SLIT3: variants seen among roughly 807,000 people sequenced by gnomAD.
SLIT3 encodes slit guidance ligand 3.
Under a neutral mutation model 184.0 loss-of-function variants are expected in SLIT3, and 68 were observed. The ratio of observed to expected loss-of-function variants is 0.37; its 90% CI spans 0.30 to 0.45. SLIT3 has a LOEUF of 0.45. Among genes scored for constraint, SLIT3 ranks in the 20% least tolerant of loss-of-function variants. The pLI is 1.00. For missense variants in SLIT3, 1,707 were observed against 2,026.0 expected (o/e 0.84, Z 3.02); for synonymous variants, 831 against 828.6 (o/e 1.00, Z -0.05).
At chr5:168,839,131 T>A (rs1758154844) in intron 6 of SLIT3, among the ~76,000 whole-genome samples, 1 of 152,164 alleles carries the variant, frequency 6.6e-6, no homozygotes, top group Admixed American at 6.5e-5. Context: ...GATTCGTGAT[T>A]GCCTCTGGGG....
intron 4 of SLIT3, among the ~76,000 whole-genome samples, chr5:169,126,857 G>C (rs373276768): frequency 2.7e-5 from 4 of 150,162 alleles, no homozygotes; most frequent in East Asian, 3.9e-4. Flanking sequence ...TGGTTGCCCA[G>C]ATTTTTCTCT....
intron 4 of SLIT3, among the ~76,000 whole-genome samples, chr5:169,121,905 C>G (rs1760887704): frequency 1.3e-5 from 2 of 152,208 alleles, no homozygotes; most frequent in African/African-American, 4.8e-5. Context: ...TTTCTCAACT[C>G]CAAGTCACCG....
intron 3 of SLIT3, among the ~76,000 whole-genome samples, chr5:169,214,911 C>G (rs543095530): frequency 1.8e-4 from 27 of 152,256 alleles, no homozygotes; most frequent in African/African-American, 6.0e-4. Flanking sequence ...CAAACAATCC[C>G]CTTCTCCTAA....
At chr5:168,692,519 CAG>C in intron 29 of SLIT3, 86 bp downstream of exon 29, 2 of 784,432 alleles carry the variant, frequency 2.5e-6, no homozygotes, top group East Asian at 2.5e-5. Flanking sequence ...AGAGAGCATG[CAG>C]AGAGACCAGA....
chr5:168,975,219 G>A (rs868589246), intron 4 of SLIT3, among the ~76,000 whole-genome samples: 30 of 151,856 alleles, frequency 2.0e-4, no homozygotes, highest in Middle Eastern at 3.4e-3. Flanking sequence ...TAAAGTGGAC[G>A]CAAGACTCAC....
intron 4 of SLIT3, among the ~76,000 whole-genome samples, chr5:169,068,480 C>G (rs1758433462): frequency 6.6e-6 from 1 of 152,094 alleles, no homozygotes; most frequent in Non-Finnish European, 1.5e-5. Context: ...GTCAGAACAC[C>G]ATGTTGATCA....
intron 4 of SLIT3, among the ~76,000 whole-genome samples, chr5:169,149,340 C>CTTT (rs3038064): frequency 0.06 from 8,268 of 137,806 alleles, 645 homozygotes; most frequent in African/African-American, 0.17. Context: ...ACAACATGGG[C>CTTT]TTTTTTTTTT....
chr5:168,886,564 C>T (rs966280189), intron 4 of SLIT3, among the ~76,000 whole-genome samples: 2 of 152,134 alleles, frequency 1.3e-5, no homozygotes, highest in African/African-American at 4.8e-5. Context: ...TCCCCTTTCA[C>T]GAGGGAAGCA....
intron 5 of SLIT3, among the ~76,000 whole-genome samples, chr5:168,850,443 A>G (rs1475092530): frequency 6.6e-6 from 1 of 152,250 alleles, no homozygotes; most frequent in African/African-American, 2.4e-5. Context: ...ATATGTAGTT[A>G]CATGTAATAT....
intron 4 of SLIT3, among the ~76,000 whole-genome samples, chr5:168,980,881 G>A (rs936544208): frequency 5.3e-5 from 8 of 152,202 alleles, no homozygotes; most frequent in African/African-American, 1.2e-4. Flanking sequence ...AAATGTTTAC[G>A]ATGTAAAGTG....
At chr5:168,769,590 C>A (rs1421945501) in intron 14 of SLIT3, among the ~76,000 whole-genome samples, 2 of 152,122 alleles carry the variant, frequency 1.3e-5, no homozygotes, top group East Asian at 1.9e-4. Flanking sequence ...AATCTGGACT[C>A]CACTCTGCTT....
intron 4 of SLIT3, among the ~76,000 whole-genome samples, chr5:168,909,868 C>G (rs1394688438): frequency 6.6e-6 from 1 of 152,194 alleles, no homozygotes; most frequent in Non-Finnish European, 1.5e-5. Flanking sequence ...AGACTTGGCT[C>G]TACTTTTCAG....
chr5:169,193,564 A>G lies in SLIT3; in HGVS notation c.342-14T>C. 1 of 1,609,046 alleles carries G rather than the reference A, an allele frequency of 6.2e-7. No individual in the cohort carries two copies. Among genetic ancestry groups the G allele is most frequent in the African/African-American group, 1.3e-5 (1 of 74,946 alleles). ...TTGTTCAGGCGCCTAAAGAGGAAAG[A>G]GAATGGAAGGATGTCAAGGGGACAT... is the stretch of plus-strand genomic sequence containing the variant. On this transcript the variant is annotated splice_polypyrimidine_tract_variant and intron_variant, in intron 3 of 35. Transcript: ENST00000519560.
At chr5:169,207,117 A>G (rs902420732) in intron 3 of SLIT3, among the ~76,000 whole-genome samples, 3 of 151,390 alleles carry the variant, frequency 2.0e-5, no homozygotes, top group Admixed American at 6.6e-5. Context: ...TTTGAACTGA[A>G]GTCTGCAGAA....
At chr5:168,854,031 T>C (rs944298584) in intron 5 of SLIT3, among the ~76,000 whole-genome samples, 5 of 152,140 alleles carry the variant, frequency 3.3e-5, no homozygotes, top group Admixed American at 6.5e-5. Flanking sequence ...GAATTCTGAA[T>C]ACAGGAGAAA....
intron 4 of SLIT3, among the ~76,000 whole-genome samples, chr5:169,149,753 T>C (rs1581461143): frequency 1.3e-5 from 2 of 152,204 alleles, no homozygotes; most frequent in South Asian, 4.1e-4. Context: ...TTCCAACAGA[T>C]TCTTCTCTCC....
chr5:168,923,977 G>A (rs1487382433), intron 4 of SLIT3, among the ~76,000 whole-genome samples: 1 of 152,236 alleles, frequency 6.6e-6, no homozygotes, highest in Non-Finnish European at 1.5e-5. Context: ...CACCACAACA[G>A]CAGAATGGAA....
At chr5:168,970,506 A>AC (rs1561581358) in intron 4 of SLIT3, among the ~76,000 whole-genome samples, 1 of 151,644 alleles carries the variant, frequency 6.6e-6, no homozygotes, top group Non-Finnish European at 1.5e-5. Flanking sequence ...AAATAAAAAA[A>AC]AAAAAAAAAC....
chr5:169,140,577 G>A (rs1383367530), intron 4 of SLIT3, among the ~76,000 whole-genome samples: 1 of 150,964 alleles, frequency 6.6e-6, no homozygotes, highest in Non-Finnish European at 1.5e-5. Flanking sequence ...GCCTGAGGCA[G>A]AGGATCACTT....
Sources: allele counts gnomAD v4.1 joint callset (sites outside exome capture counted in the v4.1 genomes callset), GRCh38; gene constraint gnomAD v4.1.1; transcripts MANE v1.5; gene names NCBI Gene and HGNC (gene_info 2026-07-23, HGNC 2026-07-21).